The following SLC34A3 variants were observed in gnomAD, a reference collection of about 807,000 sequenced individuals.
SLC34A3 encodes solute carrier family 34 member 3, also known as sodium-dependent phosphate transport protein 2C.
In SLC34A3, 60 loss-of-function variants were observed where a neutral mutation model predicts 43.9. The ratio of observed to expected loss-of-function variants is 1.37; its 90% CI spans 1.11 to 1.70. The LOEUF is 1.70. Ranked by LOEUF, SLC34A3 falls within the 40% of genes most tolerant of loss-of-function variation. The probability of loss-of-function intolerance (pLI) is 0.00; values close to 1 mark genes in which losing one functional copy is unlikely to be tolerated. For synonymous variants in SLC34A3, 451 were observed against 386.2 expected (o/e 1.17, Z -1.97); for missense variants, 969 against 823.8 (o/e 1.18, Z -2.16).
chr9:137,236,471 G>A lies in SLC34A3; in HGVS notation c.*55G>A, dbSNP rs1374111398. ...CTCCCCGGCTGGGAGGGCTCTGGAG[G>A]GCCCTGGAGGGGGGGTCCCCGCGGC... On this transcript the variant is annotated 3_prime_UTR_variant, in exon 13 of 13. Coordinates refer to ENST00000673835, the MANE Select transcript of SLC34A3 (RefSeq NM_001177316.2). The A allele has an allele frequency of 6.9e-6, 10 of 1,448,504 alleles. No homozygotes were observed. The highest frequency in any genetic ancestry group is 3.8e-4 in the Middle Eastern group (2 of 5,274). The allele number at this position is 1,448,504 out of a possible 1,614,324, so 89.7% of individuals were successfully genotyped here.
intron 2 of SLC34A3, 53 bp downstream of exon 2, chr9:137,231,840 C>G: frequency 6.8e-7 from 1 of 1,475,144 alleles, no homozygotes; most frequent in South Asian, 1.1e-5. Context: ...ACCCACCCCC[C>G]AGGCACTGGG....
At position 137,234,514 on chromosome 9, in the gene SLC34A3, G is replaced by A; in HGVS notation, c.1192G>A (p.Ala398Thr). 1 of 1,605,082 alleles carries A rather than the reference G, an allele frequency of 6.2e-7. No individual in the cohort carries two copies. Residue 398 changes from alanine (A) to threonine (T), a missense_variant, in exon 11 of 13, where the codon GCC becomes ACC. Coordinates refer to ENST00000673835, the MANE Select transcript of SLC34A3 (RefSeq NM_001177316.2). This position sits in a 1 kb window ranked among gnomAD's most constrained non-coding sequence, Gnocchi z 6.9. ...GCAGAGCAGCAGCGTCTTCACGGCG[G>A]CCGTCGTGCCCCTCATGGGTGAGCA... ...ALQSSSVFTA[A>T]VVPLMGVGVI... is the part of the protein sequence containing the mutation.
At position 137,232,720 on chromosome 9, in the gene SLC34A3, G is replaced by A. The variant is rs1166422859; in HGVS notation, c.304+17G>A. ...TGCTGGGCAGTGAGTGACGGGACGG[G>A]TGCCCAGGGCGGGGCGGGCAACCAG... On this transcript the variant is annotated intron_variant, in intron 4 of 12. Coordinates refer to ENST00000673835, the MANE Select transcript of SLC34A3 (RefSeq NM_001177316.2). 1 of 1,612,920 alleles carries A rather than the reference G, an allele frequency of 6.2e-7. No individual in the cohort carries two copies. The highest frequency in any genetic ancestry group is 8.5e-7 in the Non-Finnish European group (1 of 1,179,958).
intron 1 of SLC34A3, 65 bp from the exon 2 acceptor site, chr9:137,231,599 C>A: frequency 9.6e-7 from 1 of 1,038,312 alleles, no homozygotes; most frequent in South Asian, 1.3e-5. Context: ...GGGTGTGAAT[C>A]CAGCTTGTGA....
In SLC34A3 at chr9:137,232,990, C is replaced by A. The variant is rs545767491; in HGVS notation, c.449-14C>A. On this transcript the variant is annotated splice_polypyrimidine_tract_variant and intron_variant, in intron 5 of 12. Coordinates refer to ENST00000673835, the MANE Select transcript of SLC34A3 (RefSeq NM_001177316.2). ...AGGGTGGGCCGCAGGCTGACTCAGCCCCCCCACCAGCAGTGCTGACTGTCC... is the reference window on the plus strand; with the variant it reads ...AGGGTGGGCCGCAGGCTGACTCAGCACCCCCACCAGCAGTGCTGACTGTCC... The A allele has an allele frequency of 7.1e-5, 114 of 1,610,426 alleles. No homozygotes were observed. The Middle Eastern group carries it at 9.1e-4, about 13-fold the overall frequency.
intron 3 of SLC34A3, 97 bp downstream of exon 3, chr9:137,232,258 T>G: frequency 8.3e-7 from 1 of 1,210,354 alleles, no homozygotes; most frequent in Non-Finnish European, 1.2e-6. Flanking sequence ...AAACAGGCTG[T>G]GTGTGGGGAA....
chr9:137,235,071 C>T (rs1588850509), intron 12 of SLC34A3, among the ~76,000 whole-genome samples: 1 of 152,214 alleles, frequency 6.6e-6, no homozygotes, highest in East Asian at 1.9e-4. Flanking sequence ...CCCCTGCTCC[C>T]TCAAGGAGCA....
chr9:137,230,493 G>T (rs1836150976), upstream of SLC34A3, among the ~76,000 whole-genome samples: 1 of 152,218 alleles, frequency 6.6e-6, no homozygotes, highest in African/African-American at 2.4e-5. Flanking sequence ...ACCCTGAGAA[G>T]GTCTGGGGAG....
intron 4 of SLC34A3, 39 bp downstream of exon 4, chr9:137,232,742 C>A: frequency 6.2e-7 from 1 of 1,612,930 alleles, no homozygotes; most frequent in South Asian, 1.1e-5. Context: ...GGGCGGGCAA[C>A]CAGCCCTCCG....
intron 8 of SLC34A3, 57 bp downstream of exon 8, chr9:137,233,779 T>TTGCGCCCCCCCCCCCCCCCCCCCCCC: frequency 6.9e-7 from 1 of 1,445,820 alleles, no homozygotes; most frequent in Non-Finnish European, 9.6e-7. Context: ...TGCTGAGTCA[T>TTGCGCCCCCCCCCCCCCCCCCCCCCC]CCCGCCCCAC....
chr9:137,233,737 C>T lies in SLC34A3; in HGVS notation c.846+15C>T, dbSNP rs755035076. 62 of 1,611,158 alleles carry T rather than the reference C, an allele frequency of 3.8e-5. No individual in the cohort carries two copies. The highest frequency in any genetic ancestry group is 1.8e-4 in the Admixed American group (11 of 59,976). Reference sequence around the variant, plus strand: ...CGGGGCAGCCGGTGAGGCACCCAACCCTAGGCCCTCACTGACCCCCAACCT... The same window carrying T: ...CGGGGCAGCCGGTGAGGCACCCAACTCTAGGCCCTCACTGACCCCCAACCT... On this transcript the variant is annotated intron_variant, in intron 8 of 12. Transcript: ENST00000673835.
chr9:137,233,422 C>T lies in SLC34A3; in HGVS notation c.756+18C>T. ...TCGTGCAGGTGAGGACGGCCACCGCCCCCGCCCAGAGAGCCTGAGCAGGCC... is the reference window on the plus strand; with the variant it reads ...TCGTGCAGGTGAGGACGGCCACCGCTCCCGCCCAGAGAGCCTGAGCAGGCC... On this transcript the variant is annotated intron_variant, in intron 7 of 12. Coordinates refer to ENST00000673835, the MANE Select transcript of SLC34A3 (RefSeq NM_001177316.2). 1 of 1,593,230 alleles carries T rather than the reference C, an allele frequency of 6.3e-7. No individual in the cohort carries two copies. Among genetic ancestry groups the T allele is most frequent in the Non-Finnish European group, 8.5e-7 (1 of 1,172,770 alleles).
At position 137,234,484 on chromosome 9, in the gene SLC34A3, G is replaced by T; in HGVS notation, c.1162G>T (p.Ala388Ser). The T allele has an allele frequency of 6.2e-7, 1 of 1,602,432 alleles. No homozygotes were observed. Among genetic ancestry groups the T allele is most frequent in the Non-Finnish European group, 8.5e-7 (1 of 1,179,288 alleles). Reference sequence around the variant, plus strand: ...CCTCGCGGGCGCCGGCCTGACCTTCGCACTGCAGAGCAGCAGCGTCTTCAC... The same window carrying T: ...CCTCGCGGGCGCCGGCCTGACCTTCTCACTGCAGAGCAGCAGCGTCTTCAC... ...AVLAGAGLTF[A>S]LQSSSVFTAA... Residue 388 changes from alanine (A) to serine (S), a missense_variant, in exon 11 of 13, where the codon GCA (alanine) becomes TCA (serine). Coordinates refer to ENST00000673835, the MANE Select transcript of SLC34A3 (RefSeq NM_001177316.2). The surrounding 1 kb of genome is among the most constrained non-coding windows in gnomAD (Gnocchi z 6.9).
chr9:137,233,965 C>T, intron 9 of SLC34A3, 24 bp downstream of exon 9: 1 of 1,505,998 alleles, frequency 6.6e-7, no homozygotes, highest in Non-Finnish European at 8.9e-7. Flanking sequence ...CACCCCAAGC[C>T]CCCTACACCC....
upstream of SLC34A3, chr9:137,230,721 G>T (rs1172646798): frequency 6.6e-6 from 1 of 152,256 alleles, no homozygotes; most frequent in Non-Finnish European, 1.5e-5. Context: ...GGAGGGTTGG[G>T]CTGGGGCTTG....
chr9:137,232,224 G>A (rs759252692), intron 3 of SLC34A3, 63 bp downstream of exon 3: 37 of 1,500,678 alleles, frequency 2.5e-5, no homozygotes, highest in Non-Finnish European at 3.2e-5. Context: ...GGACTGGGGA[G>A]ACAGAGCAGG....
At chr9:137,231,951 C>G (rs1180033733) in intron 2 of SLC34A3, 121 bp from the exon 3 acceptor site, 8 of 1,158,176 alleles carry the variant, frequency 6.9e-6, no homozygotes, top group African/African-American at 1.5e-5. Context: ...CTTCCCCGTT[C>G]CGTTTCTGTC....
intron 8 of SLC34A3, 57 bp downstream of exon 8, chr9:137,233,779 T>TTGGGCGCCCCCCCCCCCCCCCCCCC: frequency 6.9e-7 from 1 of 1,445,824 alleles, no homozygotes; most frequent in Non-Finnish European, 9.6e-7. Context: ...TGCTGAGTCA[T>TTGGGCGCCCCCCCCCCCCCCCCCCC]CCCGCCCCAC....
rs28542318 is a variant in SLC34A3, at chr9:137,236,154, A to T, written c.1538A>T (p.Glu513Val). The change falls in exon 13 of 13, where the codon GAG becomes GTG. Residue 513 changes from glutamate (E) to valine (V), a missense_variant. Transcript: ENST00000673835. ...AFGLSLAGGM[E>V]LAAVGGPLVG... Reference sequence around the variant, plus strand: ...GGGCTCTCCCTGGCAGGGGGCATGGAGCTGGCCGCTGTCGGGGGTCCCCTG... The same window carrying T: ...GGGCTCTCCCTGGCAGGGGGCATGGTGCTGGCCGCTGTCGGGGGTCCCCTG... 1,379,101 of 1,609,720 alleles carry T rather than the reference A, an allele frequency of 0.86. 593,168 individuals carry two copies. The highest frequency in any genetic ancestry group is 1 in the East Asian group (44,842 of 44,860).
Sources: gnomAD v4.1 joint callset for allele counts (sites outside exome capture counted in the v4.1 genomes callset) on GRCh38, gnomAD v4.1.1 for gene constraint, Gnocchi (gnomAD v3.1) non-coding constraint, MANE v1.5 for transcripts, NCBI Gene and HGNC (gene_info 2026-07-23, HGNC 2026-07-21) for gene names.